The following CCSAP variants were observed in gnomAD, a reference collection of about 807,000 sequenced individuals.
CCSAP encodes centriole, cilia and spindle-associated protein.
CCSAP carries 17 observed loss-of-function variants against 25.9 expected under a neutral mutation model. That is an observed-to-expected ratio of 0.66 (90% CI 0.45 to 0.99). CCSAP has a LOEUF of 0.99. Ranked by LOEUF, CCSAP falls within the 50% of genes least tolerant of loss-of-function variation. CCSAP has a pLI of 0.00. For synonymous variants in CCSAP, 169 were observed against 157.1 expected (o/e 1.08, Z -0.57); for missense variants, 339 against 367.8 (o/e 0.92, Z 0.64).
chr1:229,343,022 T>C lies in CCSAP; in HGVS notation c.-159A>G, dbSNP rs1349064202. 1 of 152,162 alleles carries C rather than the reference T, an allele frequency of 6.6e-6. No homozygotes were observed. Among genetic ancestry groups the C allele is most frequent in the African/African-American group, 2.4e-5 (1 of 41,428 alleles). 9.4% of individuals were successfully genotyped at this position (152,162 alleles called of 1,614,324 possible). A position where few individuals can be genotyped will look rare whatever the true frequency, so the allele number is the denominator to read the frequency against. On this transcript the variant is annotated 5_prime_UTR_variant, in exon 1 of 4. Transcript: ENST00000284617. The stretch of plus-strand genomic sequence containing the variant: ...GCGCGCTTTCCTCCTGAGCAAGATG[T>C]CGCCGCGGCGGCCCGCGCTCCAGCT...
Position 229,342,936 on chromosome 1 carries a change from T to C in CCSAP, c.-73A>G, listed in dbSNP as rs932336514. ...CCTCCTTCCCGCCGCGCCCGGCCGA[T>C]CCTCTGCGCCCAGGCCCGAGGCGCG... is the stretch of plus-strand genomic sequence containing the variant. On this transcript the variant is annotated 5_prime_UTR_variant, in exon 1 of 4. Coordinates refer to ENST00000284617, the MANE Select transcript of CCSAP (RefSeq NM_145257.5). The surrounding 1 kb of genome is among the most constrained non-coding windows in gnomAD (Gnocchi z 7.5). 6.5e-6 allele frequency: 1 copy of C among 153,542 alleles called. No individual in the cohort carries two copies. Among genetic ancestry groups the C allele is most frequent in the Non-Finnish European group, 1.5e-5 (1 of 68,910 alleles). 9.5% of individuals were successfully genotyped at this position (153,542 alleles called of 1,614,324 possible). A position where few individuals can be genotyped will look rare whatever the true frequency, so the allele number is the denominator to read the frequency against.
Position 229,321,166 on chromosome 1 carries a change from T to C in CCSAP, c.*4069A>G, listed in dbSNP as rs1657809227. 6.6e-6 allele frequency: 1 copy of C among 152,208 alleles called. No individual in the cohort carries two copies. Among genetic ancestry groups the C allele is most frequent in the South Asian group, 2.1e-4 (1 of 4,832 alleles). The allele number at this position is 152,208 out of a possible 1,614,324, so 9.4% of individuals were successfully genotyped here. A position where few individuals can be genotyped will look rare whatever the true frequency, so the allele number is the denominator to read the frequency against. ...TGCCCAGCCTTTGTTCCTCCAGAAT[T>C]TTAAAGTGAATGCAGTGCTCAAAAC... On this transcript the variant is annotated 3_prime_UTR_variant, in exon 4 of 4. Coordinates refer to ENST00000284617, the MANE Select transcript of CCSAP (RefSeq NM_145257.5).
Position 229,333,177 on chromosome 1 carries a change from A to G in CCSAP, c.368-6171T>C, listed in dbSNP as rs79338571. The stretch of plus-strand genomic sequence containing the variant: ...GCCGGGCGCGGTGGCTCACGCCTAT[A>G]ATCCCAGCACTTTGGGAGGCCAAGG... On this transcript the variant is annotated intron_variant, in intron 2 of 3. Coordinates refer to ENST00000284617, the MANE Select transcript of CCSAP (RefSeq NM_145257.5). Among the ~76,000 whole-genome samples the G allele has an allele frequency of 5.3e-4, 80 of 152,330 alleles. No homozygotes were observed. In the East Asian group the frequency reaches 0.015, roughly 29 times the overall value.
chr1:229,343,036 C>T lies in CCSAP; in HGVS notation c.-173G>A, dbSNP rs1213584567. ...TGAGCAAGATGTCGCCGCGGCGGCC[C>T]GCGCTCCAGCTGCAGGCGGGAGGCG... On this transcript the variant is annotated 5_prime_UTR_variant, in exon 1 of 4. Transcript: ENST00000284617. 1.3e-5 allele frequency: 2 copies of T among 152,156 alleles called. No individual in the cohort carries two copies. Among genetic ancestry groups the T allele is most frequent in the Non-Finnish European group, 2.9e-5 (2 of 68,024 alleles). The allele number at this position is 152,156 out of a possible 1,614,324, so 9.4% of individuals were successfully genotyped here. A position where few individuals can be genotyped will look rare whatever the true frequency, so the allele number is the denominator to read the frequency against.
rs1259578385 is a variant in CCSAP at position 229,326,832 on chromosome 1, T to C, written c.542A>G (p.Lys181Arg). 6.2e-7 allele frequency: 1 copy of C among 1,614,244 alleles called. No homozygotes were observed. The highest frequency in any genetic ancestry group is 8.5e-7 in the Non-Finnish European group (1 of 1,180,048). The change falls in exon 3 of 4, where the codon AAG becomes AGG. Residue 181 changes from lysine (K) to arginine (R), a missense_variant. By Grantham distance (26) the Lys-to-Arg change is conservative. Coordinates refer to ENST00000284617, the MANE Select transcript of CCSAP (RefSeq NM_145257.5). ...QRSSSKIKEN[K>R]HPFALYGWGE... The stretch of plus-strand genomic sequence containing the variant: ...CCAGCCATAAAGAGCAAATGGATGC[T>C]TGTTTTCTTTTATTTTACTCGATGA...
At chr1:229,332,037 TTCA>T (rs1658081316) in intron 2 of CCSAP, among the ~76,000 whole-genome samples, 1 of 151,798 alleles carries the variant, frequency 6.6e-6, no homozygotes, top group African/African-American at 2.4e-5. Flanking sequence ...GAGACGGGGT[TTCA>T]TCATGTTGAC....
At position 229,342,267 on chromosome 1, in the gene CCSAP, A is replaced by G; in HGVS notation, c.199T>C (p.Ser67Pro). The change falls in exon 2 of 4, where the codon TCG becomes CCG. Residue 67 changes from serine (S) to proline (P), a missense_variant. By Grantham distance (74) the Ser-to-Pro change is moderately conservative. Transcript: ENST00000284617. This position sits in a 1 kb window ranked among gnomAD's most constrained non-coding sequence, Gnocchi z 7.5. ...SSEDSASSES[S>P]GAGGPAPRCA... The stretch of plus-strand genomic sequence containing the variant: ...CGGGGTGCGGGGCCCCCGGCGCCCG[A>G]CGACTCTGACGACGCCGAGTCCTCC... 7.6e-7 allele frequency: 1 copy of G among 1,307,912 alleles called. No homozygotes were observed. Among genetic ancestry groups the G allele is most frequent in the Non-Finnish European group, 9.7e-7 (1 of 1,030,854 alleles). 81.0% of individuals were successfully genotyped at this position (1,307,912 alleles called of 1,614,324 possible).
At position 229,325,259 on chromosome 1, in the gene CCSAP, C is replaced by A; in HGVS notation, c.789G>T (p.Met263Ile). 1 of 1,613,220 alleles carries A rather than the reference C, an allele frequency of 6.2e-7. No individual in the cohort carries two copies. Among genetic ancestry groups the A allele is most frequent in the Non-Finnish European group, 8.5e-7 (1 of 1,179,800 alleles). The change falls in exon 4 of 4, where the codon ATG becomes ATT. Residue 263 changes from methionine (M) to isoleucine (I), a missense_variant. Physicochemically the swap from Met to Ile is conservative, Grantham distance 10. Transcript: ENST00000284617. ...TTTAAGCTCTTGCCGAATAGCACCT[C>A]ATGTATTCTGTCATCCACGGGTTCT... Reference protein sequence around the residue: ...SSENPWMTEYMRCYSARA With the variant: ...SSENPWMTEYIRCYSARA
chr1:229,329,369 GAGA>G (rs1456645256), intron 2 of CCSAP, among the ~76,000 whole-genome samples: 2 of 152,228 alleles, frequency 1.3e-5, no homozygotes, highest in African/African-American at 4.8e-5. Context: ...ATGGCATGGA[GAGA>G]AGAAGAAAGA....
In CCSAP at chr1:229,322,399, G is replaced by GTA. The variant is rs1657846319; in HGVS notation, c.*2834_*2835dup. 1 of 152,096 alleles carries GTA rather than the reference G, an allele frequency of 6.6e-6. No homozygotes were observed. Among genetic ancestry groups the GTA allele is most frequent in the South Asian group, 2.1e-4 (1 of 4,826 alleles). 9.4% of individuals were successfully genotyped at this position (152,096 alleles called of 1,614,324 possible). A position where few individuals can be genotyped will look rare whatever the true frequency, so the allele number is the denominator to read the frequency against. ...TGACAAAGATATTACATATGAAATG[G>GTA]TATAAATATGTGCCTCCTACCTAAT... On this transcript the variant is annotated 3_prime_UTR_variant, in exon 4 of 4. Coordinates refer to ENST00000284617, the MANE Select transcript of CCSAP (RefSeq NM_145257.5).
Position 229,326,984 on chromosome 1 carries a change from T to A in CCSAP, c.390A>T (p.Glu130Asp). ...TTCTGGTTTGTTGTTCAGGTTTATC[T>A]TCTACATCTTTCACTGGCAGTGCTT... Reference protein sequence around the residue: ...ALPALPVKDVEDKPEQQTRTR... With the variant: ...ALPALPVKDVDDKPEQQTRTR... Residue 130 changes from glutamate to aspartate, a missense_variant, in exon 3 of 4, where the codon GAA becomes GAT. Transcript: ENST00000284617. 6.2e-7 allele frequency: 1 copy of A among 1,609,338 alleles called. No homozygotes were observed. Among genetic ancestry groups the A allele is most frequent in the Non-Finnish European group, 8.5e-7 (1 of 1,176,816 alleles).
At position 229,337,678 on chromosome 1, in the gene CCSAP, A is replaced by AAAAAAATATATAT; in HGVS notation, c.367+4420_367+4421insATATATATTTTTT. On this transcript the variant is annotated intron_variant, in intron 2 of 3. Transcript: ENST00000284617. ...GAACAAGATCAAAGGCTCAAAAAAAAATATATATATATATATATATACACA... is the reference window on the plus strand; with the variant it reads ...GAACAAGATCAAAGGCTCAAAAAAAAAAAAAATATATATATATATATATATATATATATACACA... Among the ~76,000 whole-genome samples, 20 of 65,510 alleles carry AAAAAAATATATAT rather than the reference A, an allele frequency of 3.1e-4. 1 individual carries two copies. Among genetic ancestry groups the AAAAAAATATATAT allele is most frequent in the Admixed American group, 5.6e-4 (3 of 5,338 alleles). The allele number at this position is 65,510 out of a possible 152,430, so 43.0% of individuals were successfully genotyped here.
At chr1:229,329,151 A>C (rs982670724) in intron 2 of CCSAP, among the ~76,000 whole-genome samples, 6 of 152,244 alleles carry the variant, frequency 3.9e-5, no homozygotes, top group Non-Finnish European at 2.9e-5. Flanking sequence ...TGGCACAGTG[A>C]TACTGAGAGA....
intron 2 of CCSAP, among the ~76,000 whole-genome samples, chr1:229,329,960 C>T (rs540862939): frequency 3.3e-5 from 5 of 152,204 alleles, no homozygotes; most frequent in South Asian, 4.1e-4. Context: ...CATTGCACTC[C>T]ACCCTGGGCA....
At chr1:229,329,476 T>C (rs561895919) in intron 2 of CCSAP, among the ~76,000 whole-genome samples, 2 of 152,238 alleles carry the variant, frequency 1.3e-5, no homozygotes, top group Non-Finnish European at 2.9e-5. Flanking sequence ...CTTTATTTTA[T>C]ATATGCCAAA....
chr1:229,333,232 A>G (rs1321556831), intron 2 of CCSAP, among the ~76,000 whole-genome samples: 1 of 152,024 alleles, frequency 6.6e-6, no homozygotes, highest in Non-Finnish European at 1.5e-5. Context: ...GGAGATAGAG[A>G]CCATCCTGGG....
chr1:229,331,928 T>C (rs1270559245), intron 2 of CCSAP, among the ~76,000 whole-genome samples: 1 of 151,728 alleles, frequency 6.6e-6, no homozygotes, highest in African/African-American at 2.4e-5. Context: ...GGATTACAGG[T>C]GTGTGCTGGG....
At chr1:229,326,638 A>G in intron 3 of CCSAP, 100 bp downstream of exon 3, 1 of 1,432,798 alleles carries the variant, frequency 7.0e-7, no homozygotes, top group Non-Finnish European at 9.6e-7. Context: ...CATGGGCCCA[A>G]AGCACCCAGT....
chr1:229,337,606 C>T (rs2102698206), intron 2 of CCSAP, among the ~76,000 whole-genome samples: 1 of 146,044 alleles, frequency 6.8e-6, no homozygotes, highest in South Asian at 2.2e-4. Context: ...TAAAGAAAGC[C>T]CAGTTCAGCA....
Sources: gnomAD v4.1 joint callset for allele counts (sites outside exome capture counted in the v4.1 genomes callset) on GRCh38, gnomAD v4.1.1 for gene constraint, Gnocchi (gnomAD v3.1) non-coding constraint, MANE v1.5 for transcripts, NCBI Gene and HGNC (gene_info 2026-07-23, HGNC 2026-07-21) for gene names.